TRAPPC9: variants seen among roughly 807,000 people sequenced by gnomAD.
TRAPPC9 encodes the protein IKK2 binding protein.
TRAPPC9 carries 83 observed loss-of-function variants against 124.0 expected under a neutral mutation model. That is an observed-to-expected ratio of 0.67 (90% CI 0.56 to 0.80). The LOEUF (loss-of-function observed/expected upper bound fraction) is 0.80. Among genes scored for constraint, TRAPPC9 ranks in the 30% least tolerant of loss-of-function variants. TRAPPC9 has a pLI of 0.00. For synonymous variants in TRAPPC9, 638 were observed against 617.5 expected (o/e 1.03, Z -0.49); for missense variants, 1,302 against 1,508.3 (o/e 0.86, Z 2.27).
intron 20 of TRAPPC9, among the ~76,000 whole-genome samples, chr8:139,891,043 C>T (rs1401985278): frequency 2.0e-5 from 3 of 152,082 alleles, no homozygotes; most frequent in Non-Finnish European, 4.4e-5. Context: ...CGGCAACCCA[C>T]GCTCAGCTTC....
rs1340862562 is a variant in TRAPPC9 at position 140,210,337 on chromosome 8, G to A, written c.2556+11122C>T. ...CGCCTCACAGGTCTGTGGTGAACGC[G>A]CACCGTCAATGCAGAGGAAACTCCA... On this transcript the variant is annotated intron_variant, in intron 17 of 22. Coordinates refer to ENST00000438773, the MANE Select transcript of TRAPPC9 (RefSeq NM_001160372.4). Among the ~76,000 whole-genome samples, 3 of 152,338 alleles carry A rather than the reference G, an allele frequency of 2.0e-5. No individual in the cohort carries two copies. In the South Asian group the frequency reaches 6.2e-4, roughly 32 times the overall value.
At chr8:139,767,340 G>A (rs990042543) in intron 21 of TRAPPC9, among the ~76,000 whole-genome samples, 12 of 152,290 alleles carry the variant, frequency 7.9e-5, no homozygotes, top group African/African-American at 2.2e-4. Flanking sequence ...TCATCAACAC[G>A]GGTAGAAAAT....
chr8:140,293,824 C>A (rs893856031), intron 11 of TRAPPC9, among the ~76,000 whole-genome samples: 2 of 151,780 alleles, frequency 1.3e-5, no homozygotes, highest in Admixed American at 6.6e-5. Flanking sequence ...ATGTAACTAA[C>A]CTGCACATTG....
intron 19 of TRAPPC9, among the ~76,000 whole-genome samples, chr8:139,920,487 C>G (rs1173800425): frequency 6.6e-6 from 1 of 152,238 alleles, no homozygotes; most frequent in African/African-American, 2.4e-5. Context: ...AGCCTCCCTC[C>G]TGGTCTGTAA....
chr8:140,153,947 G>A (rs1256963168), intron 17 of TRAPPC9, among the ~76,000 whole-genome samples: 1 of 152,168 alleles, frequency 6.6e-6, no homozygotes, highest in Non-Finnish European at 1.5e-5. Context: ...GTCTGCCTCA[G>A]AGTGCCTTGA....
intron 17 of TRAPPC9, among the ~76,000 whole-genome samples, chr8:140,030,162 A>C (rs1373634194): frequency 6.6e-6 from 1 of 152,206 alleles, no homozygotes; most frequent in Non-Finnish European, 1.5e-5. Flanking sequence ...TGCACTCATG[A>C]AAAACCTATA....
intron 15 of TRAPPC9, among the ~76,000 whole-genome samples, chr8:140,272,359 G>GGTGGTAGTGGTGTA (rs1554658157): frequency 4.0e-4 from 52 of 131,610 alleles, no homozygotes; most frequent in African/African-American, 1.7e-3. Flanking sequence ...TGGAGAGAGT[G>GGTGGTAGTGGTGTA]GTGGTAGTGA....
chr8:139,824,675 A>G lies in TRAPPC9; in HGVS notation c.3055+61204T>C, dbSNP rs553626987. ...TCCCAGGTTCAAGCGACTCTTGAGC[A>G]TCGGCCTCTGGAGTAGCTGGGACTA... On this transcript the variant is annotated intron_variant, in intron 21 of 22. Coordinates refer to ENST00000438773, the MANE Select transcript of TRAPPC9 (RefSeq NM_001160372.4). Among the ~76,000 whole-genome samples the G allele has an allele frequency of 2.6e-5, 4 of 152,194 alleles. No individual in the cohort carries two copies. In the East Asian group the frequency reaches 7.7e-4, roughly 29 times the overall value.
intron 18 of TRAPPC9, among the ~76,000 whole-genome samples, chr8:140,016,213 T>A (rs1187292391): frequency 1.3e-5 from 2 of 152,206 alleles, no homozygotes; most frequent in Non-Finnish European, 2.9e-5. Flanking sequence ...AATACACAAA[T>A]CTGAAGTGTA....
chr8:140,011,916 G>A (rs1368237813), intron 18 of TRAPPC9, among the ~76,000 whole-genome samples: 1 of 152,048 alleles, frequency 6.6e-6, no homozygotes, highest in Admixed American at 6.6e-5. Flanking sequence ...GACCTCAGGT[G>A]ATCCTCCTGC....
chr8:139,758,707 G>A (rs575190080), intron 21 of TRAPPC9, among the ~76,000 whole-genome samples: 3 of 152,350 alleles, frequency 2.0e-5, no homozygotes, highest in African/African-American at 7.2e-5. Context: ...AGGTGAAGGC[G>A]GTTGGGGCAG....
chr8:140,063,146 G>A lies in TRAPPC9; in HGVS notation c.2557-39067C>T, dbSNP rs193166030. On this transcript the variant is annotated intron_variant, in intron 17 of 22. Transcript: ENST00000438773. This position sits in a 1 kb window ranked among gnomAD's most constrained non-coding sequence, Gnocchi z 4.3. ...ACCCACTATCATGAGAACGGTGTGG[G>A]GGAAGCGGCCACTGTGATTCAATGA... Among the ~76,000 whole-genome samples, 13 of 152,276 alleles carry A rather than the reference G, an allele frequency of 8.5e-5. No individual in the cohort carries two copies. In the East Asian group the frequency reaches 2.5e-3, roughly 29 times the overall value.
rs181708633 is a variant in TRAPPC9 at position 140,370,285 on chromosome 8, G to T, written c.1351+679C>A. ...CTCCTGAGTAGCTGGGACTACAAGC[G>T]CACGCCACCATGCCCAGCTAATTTT... On this transcript the variant is annotated intron_variant, in intron 8 of 22. Coordinates refer to ENST00000438773, the MANE Select transcript of TRAPPC9 (RefSeq NM_001160372.4). Among the ~76,000 whole-genome samples the T allele has an allele frequency of 6.6e-5, 10 of 151,972 alleles. 1 individual carries two copies. The highest frequency in any genetic ancestry group is 2.2e-4 in the African/African-American group (9 of 41,486).
At chr8:140,074,657 G>A (rs1383990132) in intron 17 of TRAPPC9, among the ~76,000 whole-genome samples, 1 of 152,212 alleles carries the variant, frequency 6.6e-6, no homozygotes, top group East Asian at 1.9e-4. Context: ...TCCCCGCCCT[G>A]AGGGGGCCAA....
At chr8:140,406,698 A>G (rs770771163) in intron 5 of TRAPPC9, among the ~76,000 whole-genome samples, 3 of 152,212 alleles carry the variant, frequency 2.0e-5, no homozygotes, top group East Asian at 3.8e-4. Flanking sequence ...GAACTCTAAG[A>G]AAAGGAGAAC....
chr8:140,075,361 T>C (rs1423521669), intron 17 of TRAPPC9, among the ~76,000 whole-genome samples: 3 of 152,236 alleles, frequency 2.0e-5, no homozygotes, highest in Non-Finnish European at 4.4e-5. Context: ...AGCAGCTCTG[T>C]GTGGTCATCA....
intron 9 of TRAPPC9, among the ~76,000 whole-genome samples, chr8:140,321,228 T>C (rs2066586425): frequency 6.6e-6 from 1 of 152,110 alleles, no homozygotes; most frequent in Non-Finnish European, 1.5e-5. Context: ...AGGAGAGCCA[T>C]GGCTGGGGCT....
chr8:139,739,728 T>C (rs574382921), intron 21 of TRAPPC9, among the ~76,000 whole-genome samples: 2 of 152,264 alleles, frequency 1.3e-5, no homozygotes, highest in Non-Finnish European at 2.9e-5. Context: ...CCCTGGCATC[T>C]GATCTGAAGC....
chr8:140,399,325 T>C (rs577574966), intron 6 of TRAPPC9, among the ~76,000 whole-genome samples: 101 of 152,288 alleles, frequency 6.6e-4, no homozygotes, highest in African/African-American at 2.3e-3. Flanking sequence ...GACCCCAGAA[T>C]GGCAGATCCA....
Sources: gnomAD v4.1 joint callset for allele counts (sites outside exome capture counted in the v4.1 genomes callset) on GRCh38, gnomAD v4.1.1 for gene constraint, Gnocchi (gnomAD v3.1) non-coding constraint, MANE v1.5 for transcripts, NCBI Gene and HGNC (gene_info 2026-07-23, HGNC 2026-07-21) for gene names.